RAB31: variants seen among roughly 807,000 people sequenced by gnomAD.
The protein encoded by RAB31 is ras-related protein Rab-31.
In RAB31, 21 loss-of-function variants were observed where a neutral mutation model predicts 25.6. That is an observed-to-expected ratio of 0.82 (90% CI 0.58 to 1.18). The LOEUF (loss-of-function observed/expected upper bound fraction) is 1.18. Ranked by LOEUF, RAB31 falls within the 50% of genes most tolerant of loss-of-function variation. The pLI is 0.00. For missense variants in RAB31, 196 were observed against 250.1 expected, an observed-to-expected ratio of 0.78 and a Z score of 1.46; for synonymous variants, 87 against 84.0, an observed-to-expected ratio of 1.04 and a Z score of -0.20.
Position 9,861,917 on chromosome 18 carries a change from G to A in RAB31, c.*2592G>A, listed in dbSNP as rs1017740041. 1.3e-5 allele frequency: 2 copies of A among 152,638 alleles called. No homozygotes were observed. Among genetic ancestry groups the A allele is most frequent in the African/African-American group, 4.8e-5 (2 of 41,454 alleles). 9.5% of individuals were successfully genotyped at this position (152,638 alleles called of 1,614,324 possible). On this transcript the variant is annotated 3_prime_UTR_variant, in exon 7 of 7. Transcript: ENST00000578921. ...GGAAATCTCTGAGAATGACAGTGGA[G>A]TTGTGCAAGCATTTTACATTGCCAC... is the stretch of plus-strand genomic sequence containing the variant.
At chr18:9,724,973 T>C (rs539854895) in intron 1 of RAB31, among the ~76,000 whole-genome samples, 3 of 152,340 alleles carry the variant, frequency 2.0e-5, no homozygotes, top group South Asian at 4.1e-4. Flanking sequence ...GTTGCTTACC[T>C]GTCTGGTGAG....
At chr18:9,827,025 A>G (rs2068653370) in intron 5 of RAB31, among the ~76,000 whole-genome samples, 1 of 152,082 alleles carries the variant, frequency 6.6e-6, no homozygotes, top group South Asian at 2.1e-4. Flanking sequence ...CATTCCGCAT[A>G]GCAGGTTCTA....
At chr18:9,776,773 C>T (rs2068374327) in intron 2 of RAB31, among the ~76,000 whole-genome samples, 1 of 152,108 alleles carries the variant, frequency 6.6e-6, no homozygotes, top group African/African-American at 2.4e-5. Context: ...GAACCCCAAG[C>T]TGAGGGAACG....
chr18:9,790,560 C>G (rs1400904328), intron 2 of RAB31, among the ~76,000 whole-genome samples: 3 of 152,082 alleles, frequency 2.0e-5, no homozygotes. Flanking sequence ...AAGCTGTTTT[C>G]CCCCTAATCT....
At chr18:9,850,519 G>GA (rs1160617365) in intron 6 of RAB31, among the ~76,000 whole-genome samples, 2 of 152,296 alleles carry the variant, frequency 1.3e-5, no homozygotes, top group African/African-American at 2.4e-5. Flanking sequence ...AGGCTCAGCA[G>GA]AAAAATGTCT....
intron 5 of RAB31, among the ~76,000 whole-genome samples, chr18:9,831,658 T>C (rs1477722882): frequency 6.6e-6 from 1 of 152,228 alleles, no homozygotes; most frequent in African/African-American, 2.4e-5. Context: ...TTTGACCCTC[T>C]AGCTATGCTG....
rs71169903 is a variant in RAB31 at position 9,741,376 on chromosome 18, C to CAAAAAAAAAAAAAAAAAAAAAA, written c.39+32938_39+32959dup. Among the ~76,000 whole-genome samples, 2 of 31,230 alleles carry CAAAAAAAAAAAAAAAAAAAAAA rather than the reference C, an allele frequency of 6.4e-5. 1 individual carries two copies. The highest frequency in any genetic ancestry group is 1.9e-4 in the African/African-American group (2 of 10,364). The allele number at this position is 31,230 out of a possible 152,430, so 20.5% of individuals were successfully genotyped here. A position where few individuals can be genotyped will look rare whatever the true frequency, so the allele number is the denominator to read the frequency against. ...TGGGCAACAGAGTAAAACTCCGTCT[C>CAAAAAAAAAAAAAAAAAAAAAA]AAAAAAAAAAAAAAAAAAAAAAAAA... On this transcript the variant is annotated intron_variant, in intron 1 of 6. Transcript: ENST00000578921.
chr18:9,812,679 C>G (rs993102597), intron 3 of RAB31, among the ~76,000 whole-genome samples: 5 of 145,952 alleles, frequency 3.4e-5, no homozygotes, highest in African/African-American at 5.1e-5. Context: ...CAAAACCCCT[C>G]CAGGATACTA....
chr18:9,733,642 C>G (rs879680367), intron 1 of RAB31, among the ~76,000 whole-genome samples: 1 of 152,156 alleles, frequency 6.6e-6, no homozygotes, highest in Non-Finnish European at 1.5e-5. Flanking sequence ...CTCCAGGATT[C>G]GGTCCACAGG....
At chr18:9,851,028 G>A (rs536450432) in intron 6 of RAB31, among the ~76,000 whole-genome samples, 87 of 152,242 alleles carry the variant, frequency 5.7e-4, no homozygotes, top group African/African-American at 1.9e-3. Context: ...AGAGTGTTGT[G>A]CTCTAGGCAC....
At chr18:9,814,138 C>A in intron 4 of RAB31, 47 bp downstream of exon 4, 1 of 1,402,210 alleles carries the variant, frequency 7.1e-7, no homozygotes, top group Non-Finnish European at 9.9e-7. Context: ...TGGTGGTTCT[C>A]TCACTTAGAG....
At chr18:9,784,101 A>G (rs372845238) in intron 2 of RAB31, among the ~76,000 whole-genome samples, 1 of 152,322 alleles carries the variant, frequency 6.6e-6, no homozygotes, top group East Asian at 1.9e-4. Flanking sequence ...CAGTGGCACA[A>G]TCATGGCTCA....
chr18:9,812,306 G>A (rs1599049584), intron 3 of RAB31, among the ~76,000 whole-genome samples: 1 of 152,200 alleles, frequency 6.6e-6, no homozygotes, highest in East Asian at 1.9e-4. Context: ...GCGCAGGGAT[G>A]TGTCTTCCTG....
chr18:9,719,706 CT>C (rs1258925357), intron 1 of RAB31, among the ~76,000 whole-genome samples: 2 of 152,070 alleles, frequency 1.3e-5, no homozygotes. Context: ...TTTTCTGCCC[CT>C]GCAGGATCAT....
chr18:9,773,140 T>G (rs540907320), intron 1 of RAB31, among the ~76,000 whole-genome samples: 2 of 152,220 alleles, frequency 1.3e-5, no homozygotes, highest in African/African-American at 4.8e-5. Context: ...GGCGAGACCT[T>G]CTGGAGAGGG....
chr18:9,721,131 G>A (rs953218167), intron 1 of RAB31, among the ~76,000 whole-genome samples: 1 of 152,062 alleles, frequency 6.6e-6, no homozygotes, highest in African/African-American at 2.4e-5. Flanking sequence ...CTGTCTATCC[G>A]TCTTAGGGTT....
intron 3 of RAB31, among the ~76,000 whole-genome samples, chr18:9,801,239 C>T (rs575740812): frequency 4.3e-4 from 65 of 151,926 alleles, no homozygotes; most frequent in African/African-American, 1.5e-3. Context: ...AACTTTTTGG[C>T]TATTATGAAT....
intron 2 of RAB31, among the ~76,000 whole-genome samples, chr18:9,783,166 G>A (rs942974275): frequency 3.9e-5 from 6 of 152,052 alleles, no homozygotes; most frequent in Non-Finnish European, 7.3e-5. Context: ...GGGGAATTTC[G>A]CAGGTATCCA....
rs960961214 is a variant in RAB31, at chr18:9,811,650, C to T, written c.202-2370C>T. Among the ~76,000 whole-genome samples the T allele has an allele frequency of 3.9e-5, 6 of 152,046 alleles. No homozygotes were observed. The East Asian group carries it at 5.8e-4, about 15-fold the overall frequency. ...ATGCTTGTAAGGAAAATGTAAAAAT[C>T]GCTGGAAATCCCACCTGTTAAGATT... is the stretch of plus-strand genomic sequence containing the variant. On this transcript the variant is annotated intron_variant, in intron 3 of 6. Coordinates refer to ENST00000578921, the MANE Select transcript of RAB31 (RefSeq NM_006868.4).
Sources: gnomAD v4.1 joint callset for allele counts (sites outside exome capture counted in the v4.1 genomes callset) on GRCh38, gnomAD v4.1.1 for gene constraint, MANE v1.5 for transcripts, NCBI Gene and HGNC (gene_info 2026-07-23, HGNC 2026-07-21) for gene names.